Variants in WSCD2 observed in about 807,000 individuals in gnomAD.
The protein encoded by WSCD2 is sialate:O-sulfotransferase 2.
A neutral mutation model predicts 55.7 loss-of-function variants in WSCD2; 28 were observed. The ratio of observed to expected loss-of-function variants is 0.50; its 90% CI spans 0.37 to 0.69. The LOEUF is 0.69. WSCD2 is among the 30% of genes least tolerant of loss of function. The pLI, the probability that WSCD2 is intolerant of heterozygous loss-of-function variation, is 0.00. For missense variants in WSCD2, 616 were observed against 762.1 expected, an observed-to-expected ratio of 0.81 and a Z score of 2.26; for synonymous variants, 301 against 301.9, an observed-to-expected ratio of 1.00 and a Z score of 0.03.
chr12:108,244,511 G>A, intron 8 of WSCD2: 1 of 702,972 alleles, frequency 1.4e-6, no homozygotes. Flanking sequence ...TGAGCACCTT[G>A]CTTGTCCCAG....
intron 1 of WSCD2, among the ~76,000 whole-genome samples, chr12:108,148,424 G>T (rs1261884131): frequency 1.3e-5 from 2 of 152,246 alleles, no homozygotes; most frequent in African/African-American, 4.8e-5. Flanking sequence ...AGTGAGTGTG[G>T]TGTGAGGTGA....
chr12:108,222,456 A>C (rs12831869), intron 4 of WSCD2, among the ~76,000 whole-genome samples: 2,085 of 152,360 alleles, frequency 0.014, 18 homozygotes, highest in Non-Finnish European at 0.02. Context: ...TGAAGTGCTC[A>C]GCAGAGCAGA....
intron 1 of WSCD2, among the ~76,000 whole-genome samples, chr12:108,170,629 C>A (rs1358014957): frequency 2.0e-5 from 3 of 152,180 alleles, no homozygotes; most frequent in Admixed American, 2.0e-4. Flanking sequence ...GACTCAGTGA[C>A]CCTATCTATA....
At chr12:108,133,258 G>C (rs954201180) in intron 1 of WSCD2, among the ~76,000 whole-genome samples, 2 of 152,164 alleles carry the variant, frequency 1.3e-5, no homozygotes, top group Non-Finnish European at 2.9e-5. Flanking sequence ...GAGTGTGTCT[G>C]TGTGCACGTG....
chr12:108,183,189 C>A, intron 1 of WSCD2, among the ~76,000 whole-genome samples: 1 of 152,156 alleles, frequency 6.6e-6, no homozygotes, highest in Non-Finnish European at 1.5e-5. Flanking sequence ...CTTCTTTATT[C>A]TTTTGACAAT....
At chr12:108,138,266 G>A (rs1876426412) in intron 1 of WSCD2, among the ~76,000 whole-genome samples, 1 of 152,238 alleles carries the variant, frequency 6.6e-6, no homozygotes, top group South Asian at 2.1e-4. Context: ...GGGTGAGCCA[G>A]CCTGCCATAG....
chr12:108,181,430 TC>T (rs1199133080), intron 1 of WSCD2, among the ~76,000 whole-genome samples: 2 of 152,186 alleles, frequency 1.3e-5, no homozygotes. Context: ...AGTTCTAACT[TC>T]TGTCCCTGTT....
intron 6 of WSCD2, among the ~76,000 whole-genome samples, chr12:108,232,305 G>A (rs983892718): frequency 1.3e-5 from 2 of 152,134 alleles, no homozygotes; most frequent in African/African-American, 4.8e-5. Flanking sequence ...GCTTTTCAGA[G>A]CCCGCAAAAT....
intron 1 of WSCD2, among the ~76,000 whole-genome samples, chr12:108,142,704 C>T (rs1233097987): frequency 6.6e-6 from 1 of 152,208 alleles, no homozygotes; most frequent in Admixed American, 6.5e-5. Context: ...AAACTAGCAA[C>T]CTAGCTTCAG....
At chr12:108,247,721 A>G (rs866256643) in intron 8 of WSCD2, among the ~76,000 whole-genome samples, 15 of 152,028 alleles carry the variant, frequency 9.9e-5, no homozygotes, top group African/African-American at 3.6e-4. Context: ...ATGCCCAGCT[A>G]TTTTATTTTA....
chr12:108,212,613 T>TCTCA (rs1310160261), intron 4 of WSCD2, among the ~76,000 whole-genome samples: 15,426 of 138,348 alleles, frequency 0.11, 1,041 homozygotes, highest in Middle Eastern at 0.17. Context: ...TCTCTCTCTC[T>TCTCA]CACACACACA....
chr12:108,207,436 C>T (rs771024578), intron 3 of WSCD2, among the ~76,000 whole-genome samples: 17 of 151,482 alleles, frequency 1.1e-4, no homozygotes, highest in Non-Finnish European at 2.2e-4. Flanking sequence ...GTGGCATAAT[C>T]TCGGCTCACT....
rs1232364251 is a variant in WSCD2, at chr12:108,166,789, C to CTTTCTTTCTTTCTT, written c.-551-28492_-551-28491insTTCTTTCTTTCTTT. Among the ~76,000 whole-genome samples the CTTTCTTTCTTTCTT allele has an allele frequency of 4.7e-4, 63 of 133,230 alleles. 1 individual carries two copies. The highest frequency in any genetic ancestry group is 1.6e-3 in the African/African-American group (56 of 35,784). 87.4% of individuals were successfully genotyped at this position (133,230 alleles called of 152,430 possible). ...TCTTTCTTTCTTTCTTTCTTTCTTT[C>CTTTCTTTCTTTCTT]TGTCTTTCTTTCTTTCTCTCTTTTT... On this transcript the variant is annotated intron_variant, in intron 1 of 8. Transcript: ENST00000547525.
At chr12:108,166,266 G>T (rs754005852) in intron 1 of WSCD2, among the ~76,000 whole-genome samples, 11 of 152,206 alleles carry the variant, frequency 7.2e-5, no homozygotes, top group Non-Finnish European at 1.5e-4. Flanking sequence ...TCAGAGGCCT[G>T]TGAGTGTGAA....
At chr12:108,213,219 T>C (rs992623625) in intron 4 of WSCD2, among the ~76,000 whole-genome samples, 6 of 152,144 alleles carry the variant, frequency 3.9e-5, no homozygotes, top group African/African-American at 1.4e-4. Context: ...ACTAATGAAA[T>C]TGGTTCAACC....
At chr12:108,222,124 T>TC (rs1478150772) in intron 4 of WSCD2, among the ~76,000 whole-genome samples, 1 of 152,164 alleles carries the variant, frequency 6.6e-6, no homozygotes, top group East Asian at 1.9e-4. Context: ...CCCCCACCCT[T>TC]CTACTCAGGG....
chr12:108,176,155 T>C (rs1357824275), intron 1 of WSCD2, among the ~76,000 whole-genome samples: 1 of 152,204 alleles, frequency 6.6e-6, no homozygotes, highest in Non-Finnish European at 1.5e-5. Context: ...TATATTTTCT[T>C]TAATGTTTTG....
chr12:108,182,614 A>C (rs1052599486), intron 1 of WSCD2, among the ~76,000 whole-genome samples: 1 of 152,208 alleles, frequency 6.6e-6, no homozygotes, highest in Non-Finnish European at 1.5e-5. Context: ...CACGTTACTA[A>C]ACCCACAGGT....
Position 108,129,545 on chromosome 12 carries a change from G to C in WSCD2, c.-933G>C, listed in dbSNP as rs1188226730. ...CGCAGTGCCGCCCGCCCGAGCGCCAGGCTCACAGGAGCCCGGCTTTCACTT... is the reference window on the plus strand; with the variant it reads ...CGCAGTGCCGCCCGCCCGAGCGCCACGCTCACAGGAGCCCGGCTTTCACTT... On this transcript the variant is annotated 5_prime_UTR_variant, in exon 1 of 9. Transcript: ENST00000547525. 1 of 151,766 alleles carries C rather than the reference G, an allele frequency of 6.6e-6. No homozygotes were observed. The highest frequency in any genetic ancestry group is 1.5e-5 in the Non-Finnish European group (1 of 67,832). 9.4% of individuals were successfully genotyped at this position (151,766 alleles called of 1,614,324 possible).
Sources: allele counts gnomAD v4.1 joint callset (sites outside exome capture counted in the v4.1 genomes callset), GRCh38; gene constraint gnomAD v4.1.1; transcripts MANE v1.5; gene names NCBI Gene and HGNC (gene_info 2026-07-23, HGNC 2026-07-21).